Variants in ARHGEF10 observed in about 807,000 individuals in gnomAD.
The protein encoded by ARHGEF10 is Rho guanine nucleotide exchange factor 10.
A neutral mutation model predicts 147.4 loss-of-function variants in ARHGEF10; 140 were observed. The ratio of observed to expected loss-of-function variants is 0.95; its 90% confidence interval spans 0.83 to 1.09. The LOEUF (loss-of-function observed/expected upper bound fraction) is 1.09. ARHGEF10 is among the 50% of genes least tolerant of loss of function. ARHGEF10 has a pLI of 0.00. For missense variants in ARHGEF10, 2,222 were observed against 1,752.7 expected (o/e 1.27, Z -4.78); for synonymous variants, 902 against 695.8 (o/e 1.30, Z -4.67).
chr8:1,869,733 G>A (rs2129093944), intron 7 of ARHGEF10: 1 of 232,808 alleles, frequency 4.3e-6, no homozygotes, highest in Non-Finnish European at 8.6e-6. Context: ...TGGAGGCCGC[G>A]GAGCACCAGG....
chr8:1,872,599 A>G (rs1585339071), intron 7 of ARHGEF10, among the ~76,000 whole-genome samples: 1 of 152,222 alleles, frequency 6.6e-6, no homozygotes, highest in Admixed American at 6.5e-5. Flanking sequence ...CGATTTCCCC[A>G]AATTGATGGA....
Position 1,864,396 on chromosome 8 carries a change from C to G in ARHGEF10, c.505C>G (p.Arg169Gly). 1 of 1,614,134 alleles carries G rather than the reference C, an allele frequency of 6.2e-7. No individual in the cohort carries two copies. The highest frequency in any genetic ancestry group is 8.5e-7 in the Non-Finnish European group (1 of 1,180,014). ...EEETPEVTED[R>G]QPNSLSSEEP... ...AGAAACACCAGAAGTCACAGAAGAT[C>G]GCCAGCCCAATTCTCTGAGTTCCGA... Residue 169 changes from arginine (R) to glycine (G), a missense_variant, in exon 5 of 29, where the codon CGC (arginine) becomes GGC (glycine). Physicochemically the swap from Arg to Gly is moderately radical, Grantham distance 125 (BLOSUM62 -2). Transcript: ENST00000349830.
At chr8:1,911,841 G>A (rs1021919785) in intron 18 of ARHGEF10, among the ~76,000 whole-genome samples, 1 of 152,198 alleles carries the variant, frequency 6.6e-6, no homozygotes, top group South Asian at 2.1e-4. Context: ...TCTCCATGGG[G>A]CTGCCTGTAA....
At chr8:1,946,044 G>A (rs983405862) in intron 27 of ARHGEF10, 3 of 373,788 alleles carry the variant, frequency 8.0e-6, no homozygotes, top group African/African-American at 6.2e-5. Flanking sequence ...CTTTGGCTGG[G>A]AGGGCTGTTG....
rs188532182 is a variant in ARHGEF10, at chr8:1,901,810, G to A, written c.1651-1471G>A. On this transcript the variant is annotated intron_variant, in intron 15 of 28. Coordinates refer to ENST00000349830, the MANE Select transcript of ARHGEF10 (RefSeq NM_014629.4). ...TGATAGAATTCGTTGTGACTCATAGGAAAACAAATGTATAGAATAGTTTAT... is the reference window on the plus strand; with the variant it reads ...TGATAGAATTCGTTGTGACTCATAGAAAAACAAATGTATAGAATAGTTTAT... Among the ~76,000 whole-genome samples the A allele has an allele frequency of 3.8e-3, 576 of 152,256 alleles. 2 individuals carry two copies. Among genetic ancestry groups the A allele is most frequent in the Non-Finnish European group, 6.1e-3 (417 of 68,020 alleles).
intron 11 of ARHGEF10, 22 bp from the exon 12 acceptor site, chr8:1,893,547 T>C (rs370850788): frequency 7.7e-5 from 121 of 1,570,086 alleles, no homozygotes; most frequent in Non-Finnish European, 1.0e-4. Context: ...TTTCTATCAT[T>C]GTACTTCCAA....
Position 1,911,625 on chromosome 8 carries a change from A to G in ARHGEF10, c.2143+2155A>G, listed in dbSNP as rs1405407091. Among the ~76,000 whole-genome samples the G allele has an allele frequency of 4.6e-5, 7 of 152,162 alleles. No homozygotes were observed. In the East Asian group the frequency reaches 1.2e-3, roughly 25 times the overall value. ...TGGTGCTGGGACTGGCAGGGCTTCTATCCCGACACGTCTGGATTCATCCAG... is the reference window on the plus strand; with the variant it reads ...TGGTGCTGGGACTGGCAGGGCTTCTGTCCCGACACGTCTGGATTCATCCAG... On this transcript the variant is annotated intron_variant, in intron 18 of 28. Transcript: ENST00000349830.
At chr8:1,882,887 G>T in intron 10 of ARHGEF10, 138 bp downstream of exon 10, 2 of 807,126 alleles carry the variant, frequency 2.5e-6, no homozygotes, top group Non-Finnish European at 2.1e-6. Flanking sequence ...TCAGTGCTTG[G>T]GTCTGAATCA....
chr8:1,841,188 C>T (rs1285509851), intron 1 of ARHGEF10, among the ~76,000 whole-genome samples: 2 of 152,146 alleles, frequency 1.3e-5, no homozygotes, highest in African/African-American at 2.4e-5. Flanking sequence ...AGTGGTTTCT[C>T]CATTGAAAAA....
chr8:1,953,661 G>A (rs1219838427), intron 28 of ARHGEF10, among the ~76,000 whole-genome samples: 1 of 152,178 alleles, frequency 6.6e-6, no homozygotes, highest in South Asian at 2.1e-4. Flanking sequence ...GAGGTGACCC[G>A]CAGTTCGTAA....
At position 1,945,659 on chromosome 8, in the gene ARHGEF10, AGGGGACGGGAC is replaced by A; in HGVS notation, c.3397+9_3397+19del. The A allele has an allele frequency of 1.2e-6, 2 of 1,614,178 alleles. No homozygotes were observed. Among genetic ancestry groups the A allele is most frequent in the Non-Finnish European group, 1.7e-6 (2 of 1,179,998 alleles). On this transcript the variant is annotated splice_donor_5th_base_variant and intron_variant, in intron 27 of 28. Coordinates refer to ENST00000349830, the MANE Select transcript of ARHGEF10 (RefSeq NM_014629.4). ...CCTGTTCACAACATGCTGCCAGGTA[AGGGGACGGGAC>A]GGGGCCCAGGGATGGGACAGCAACC...
rs754365949 is a variant in ARHGEF10 at position 1,858,058 on chromosome 8, G to T, written c.136G>T (p.Ala46Ser). Residue 46 changes from alanine (A) to serine (S), a missense_variant, in exon 3 of 29, where the codon GCC becomes TCC. Physicochemically the swap from Ala to Ser is moderately conservative, Grantham distance 99 (BLOSUM62 1). Coordinates refer to ENST00000349830, the MANE Select transcript of ARHGEF10 (RefSeq NM_014629.4). ...GDEIPEADRQ[A>S]PSAPETGGAG... ...TGAAATCCCAGAAGCGGACAGACAG[G>T]CCCCATCCGCCCCTGAGACAGGAGG... The T allele has an allele frequency of 3.1e-6, 5 of 1,614,122 alleles. No homozygotes were observed. The highest frequency in any genetic ancestry group is 1.1e-5 in the South Asian group (1 of 91,072).
intron 25 of ARHGEF10, among the ~76,000 whole-genome samples, chr8:1,931,401 C>T (rs549638746): frequency 6.6e-6 from 1 of 152,342 alleles, no homozygotes; most frequent in South Asian, 2.1e-4. Context: ...TCTCTCCAGC[C>T]TCTTACTTGG....
rs779596342 is a variant in ARHGEF10, at chr8:1,876,739, G to A, written c.843+5G>A. ...CGCAGCAACCACAAAAAGCAAGTAC[G>A]TGTTCCCTGCACATGTGAGGGATGG... is the stretch of plus-strand genomic sequence containing the variant. On this transcript the variant is annotated splice_donor_5th_base_variant and intron_variant, in intron 8 of 28. Transcript: ENST00000349830. The A allele has an allele frequency of 9.3e-6, 15 of 1,614,006 alleles. No homozygotes were observed. Among genetic ancestry groups the A allele is most frequent in the Admixed American group, 5.0e-5 (3 of 59,996 alleles).
chr8:1,841,283 G>T (rs149280743), intron 1 of ARHGEF10, among the ~76,000 whole-genome samples: 1 of 152,360 alleles, frequency 6.6e-6, no homozygotes, highest in Non-Finnish European at 1.5e-5. Context: ...CTATGTAGAA[G>T]GTTATTTGGG....
At position 1,926,368 on chromosome 8, in the gene ARHGEF10, C is replaced by G. The variant is rs753368985; in HGVS notation, c.2611-9C>G. 3 of 1,611,278 alleles carry G rather than the reference C, an allele frequency of 1.9e-6. No homozygotes were observed. Among genetic ancestry groups the G allele is most frequent in the Non-Finnish European group, 2.5e-6 (3 of 1,177,366 alleles). On this transcript the variant is annotated splice_polypyrimidine_tract_variant and intron_variant, in intron 22 of 28. Coordinates refer to ENST00000349830, the MANE Select transcript of ARHGEF10 (RefSeq NM_014629.4). Reference sequence around the variant, plus strand: ...TTATATGTGAGCGTTTGATTTTATTCCATTTTAGATTGAATGTGCTGCTTA... The same window carrying G: ...TTATATGTGAGCGTTTGATTTTATTGCATTTTAGATTGAATGTGCTGCTTA...
intron 7 of ARHGEF10, chr8:1,869,934 G>T (rs941618353): frequency 2.6e-5 from 4 of 155,264 alleles, no homozygotes; most frequent in African/African-American, 4.8e-5. Context: ...GAGGCAGAGC[G>T]GGGGAGCTTG....
intron 2 of ARHGEF10, among the ~76,000 whole-genome samples, chr8:1,855,956 G>A (rs185975619): frequency 3.3e-5 from 5 of 151,386 alleles, no homozygotes; most frequent in East Asian, 3.9e-4. Context: ...TTTTGTTTAC[G>A]GTCGCTTGGG....
chr8:1,891,812 A>C (rs1809550007), intron 11 of ARHGEF10, among the ~76,000 whole-genome samples: 1 of 152,034 alleles, frequency 6.6e-6, no homozygotes, highest in South Asian at 2.1e-4. Context: ...TGCCAGAAAG[A>C]CTGACATCAC....
Sources: gnomAD v4.1 joint callset for allele counts (sites outside exome capture counted in the v4.1 genomes callset) on GRCh38, gnomAD v4.1.1 for gene constraint, MANE v1.5 for transcripts, NCBI Gene and HGNC (gene_info 2026-07-23, HGNC 2026-07-21) for gene names.